The following AK6 variants were observed in gnomAD, a reference collection of about 807,000 sequenced individuals.
AK6 encodes the protein adenylate kinase isoenzyme 6.
AK6 carries 24 observed loss-of-function variants against 23.7 expected under a neutral mutation model. The ratio of observed to expected loss-of-function variants is 1.01; its 90% CI spans 0.73 to 1.43. The LOEUF (loss-of-function observed/expected upper bound fraction) is 1.43, where lower values mean the gene tolerates loss of function less well. AK6 is among the 40% of genes most tolerant of loss of function. AK6 has a pLI of 0.00. For missense variants in AK6, 191 were observed against 199.1 expected (o/e 0.96, Z 0.24); for synonymous variants, 73 against 69.8 (o/e 1.05, Z -0.23).
intron 2 of AK6, among the ~76,000 whole-genome samples, chr5:69,361,746 T>TG (rs1324314028): frequency 6.6e-6 from 1 of 151,706 alleles, no homozygotes; most frequent in Non-Finnish European, 1.5e-5. Context: ...CTGGGATTAC[T>TG]GGGGCCCACC....
chr5:69,355,171 T>C lies in AK6; in HGVS notation c.326+478A>G, dbSNP rs538905531. Reference sequence around the variant, plus strand: ...ACACAGTACATTTTACTCAATCAGATTGTCAGTTGAGATATTAATTTACTC... The same window carrying C: ...ACACAGTACATTTTACTCAATCAGACTGTCAGTTGAGATATTAATTTACTC... On this transcript the variant is annotated intron_variant, in intron 4 of 4. Coordinates refer to ENST00000380822, the MANE Select transcript of AK6 (RefSeq NM_016283.5). Among the ~76,000 whole-genome samples, 4 of 152,298 alleles carry C rather than the reference T, an allele frequency of 2.6e-5. No homozygotes were observed. In the East Asian group the frequency reaches 7.7e-4, roughly 29 times the overall value.
rs145664186 is a variant in AK6 at position 69,356,158 on chromosome 5, A to C, written c.122-205T>G. Among the ~76,000 whole-genome samples, 1,319 of 152,314 alleles carry C rather than the reference A, an allele frequency of 8.7e-3. 15 individuals are homozygous for C. Among genetic ancestry groups the C allele is most frequent in the African/African-American group, 0.031 (1,271 of 41,580 alleles). On this transcript the variant is annotated intron_variant, in intron 2 of 4. Coordinates refer to ENST00000380822, the MANE Select transcript of AK6 (RefSeq NM_016283.5). ...TAAATTGGAATTTTGTTTAGAGGGA[A>C]ACTTGGATTGCAATATATCTGAAAC...
At chr5:69,369,001 C>G (rs1762682162) in intron 1 of AK6, 2 of 169,776 alleles carry the variant, frequency 1.2e-5, no homozygotes, top group African/African-American at 2.4e-5. Context: ...AGGCGTTTAT[C>G]AGAAGCAAAG....
At chr5:69,365,927 A>G (rs1762403885) in intron 2 of AK6, among the ~76,000 whole-genome samples, 1 of 152,226 alleles carries the variant, frequency 6.6e-6, no homozygotes, top group Non-Finnish European at 1.5e-5. Context: ...GGTCGCTTTA[A>G]TTTATTGAGT....
intron 3 of AK6, 46 bp from the exon 4 acceptor site, chr5:69,355,840 T>A (rs758555648): frequency 6.9e-6 from 11 of 1,595,834 alleles, no homozygotes; most frequent in South Asian, 4.6e-5. Context: ...AAAACTGAAG[T>A]CAACTTTCCT....
At chr5:69,361,969 C>CTTTTTTTTTTTT (rs112797204) in intron 2 of AK6, among the ~76,000 whole-genome samples, 1 of 104,838 alleles carries the variant, frequency 9.5e-6, no homozygotes, top group African/African-American at 3.4e-5. Flanking sequence ...ACTTGATTCC[C>CTTTTTTTTTTTT]TTTTTTTTTT....
intron 1 of AK6, among the ~76,000 whole-genome samples, chr5:69,368,258 T>C (rs1762592771): frequency 6.6e-6 from 1 of 152,208 alleles, no homozygotes; most frequent in Non-Finnish European, 1.5e-5. Context: ...CCCCTTCTGA[T>C]ACCTATTAAA....
chr5:69,365,551 T>C (rs1378178236), intron 2 of AK6: 2 of 1,614,052 alleles, frequency 1.2e-6, no homozygotes, highest in Non-Finnish European at 1.7e-6. Context: ...ACAGTAGCTT[T>C]CTTAGCATGG....
In AK6 at chr5:69,355,724, A is replaced by G; in HGVS notation, c.251T>C (p.Phe84Ser). 2 of 1,613,996 alleles carry G rather than the reference A, an allele frequency of 1.2e-6. No individual in the cohort carries two copies. Among genetic ancestry groups the G allele is most frequent in the Non-Finnish European group, 1.7e-6 (2 of 1,179,942 alleles). ...AACTATATGAAACCAGCGTTCAGGG[A>G]AGAAATCACAACCATGGTAATCAAC... ...VIVDYHGCDF[F>S]PERWFHIVFV... is the part of the protein sequence containing the mutation. Residue 84 changes from phenylalanine (F) to serine (S), a missense_variant, in exon 4 of 5, where the codon TTC becomes TCC. Phe to Ser is a radical substitution (Grantham distance 155). Coordinates refer to ENST00000380822, the MANE Select transcript of AK6 (RefSeq NM_016283.5).
intron 2 of AK6, chr5:69,365,700 G>A (rs769223849): frequency 1.3e-6 from 2 of 1,585,870 alleles, no homozygotes; most frequent in Non-Finnish European, 1.7e-6. Context: ...TGCATCTTTC[G>A]GCATGCTCTT....
intron 2 of AK6, chr5:69,365,792 A>G (rs1580320232): frequency 7.3e-7 from 1 of 1,374,166 alleles, no homozygotes; most frequent in East Asian, 2.4e-5. Context: ...CATTAGATCA[A>G]TCTGAAATAG....
At chr5:69,365,481 G>A (rs781389400) in intron 2 of AK6, 1 of 1,614,122 alleles carries the variant, frequency 6.2e-7, no homozygotes, top group East Asian at 2.2e-5. Flanking sequence ...TCTTGGGGGA[G>A]GAGAGGTAAA....
rs180914443 is a variant in AK6, at chr5:69,357,858, T to C, written c.122-1905A>G. Among the ~76,000 whole-genome samples the C allele has an allele frequency of 2.2e-4, 34 of 152,248 alleles. No individual in the cohort carries two copies. The East Asian group carries it at 6.5e-3, about 29-fold the overall frequency. ...AATCTTGATTTACCAACTTTATAAC[T>C]TTATAAAATATTATGTAATTAATTT... On this transcript the variant is annotated intron_variant, in intron 2 of 4. Transcript: ENST00000380822.
At chr5:69,355,243 C>T (rs958533507) in intron 4 of AK6, among the ~76,000 whole-genome samples, 20 of 152,214 alleles carry the variant, frequency 1.3e-4, no homozygotes, top group African/African-American at 4.3e-4. Flanking sequence ...TCAAATAAAA[C>T]CCTTTATTAG....
intron 2 of AK6, chr5:69,365,086 A>G (rs773618895): frequency 6.2e-7 from 1 of 1,614,110 alleles, no homozygotes; most frequent in Non-Finnish European, 8.5e-7. Flanking sequence ...GACCCGATTA[A>G]TGATGGATTA....
At chr5:69,363,708 T>C (rs946653625) in intron 2 of AK6, among the ~76,000 whole-genome samples, 3 of 151,130 alleles carry the variant, frequency 2.0e-5, no homozygotes, top group East Asian at 3.9e-4. Context: ...GGCGTGAACC[T>C]GGGAGGCAGA....
chr5:69,365,241 G>A, intron 2 of AK6: 1 of 1,614,206 alleles, frequency 6.2e-7, no homozygotes. Context: ...GGTCTGTGGG[G>A]TTGGTGTGCC....
At chr5:69,358,917 T>C (rs1580308299) in intron 2 of AK6, among the ~76,000 whole-genome samples, 1 of 152,008 alleles carries the variant, frequency 6.6e-6, no homozygotes, top group Non-Finnish European at 1.5e-5. Flanking sequence ...TACAGATATA[T>C]TGCTTGCAGA....
At chr5:69,352,516 T>A (rs191267079) in intron 4 of AK6, among the ~76,000 whole-genome samples, 362 of 151,882 alleles carry the variant, frequency 2.4e-3, no homozygotes, top group Middle Eastern at 6.8e-3. Flanking sequence ...AAATTCCCAA[T>A]GAATTAGTAA....
Sources: allele counts gnomAD v4.1 joint callset (sites outside exome capture counted in the v4.1 genomes callset), GRCh38; gene constraint gnomAD v4.1.1; transcripts MANE v1.5; gene names NCBI Gene and HGNC (gene_info 2026-07-23, HGNC 2026-07-21).